DLG2: variants seen among roughly 807,000 people sequenced by gnomAD.
DLG2 encodes disks large homolog 2.
In DLG2, 45 loss-of-function variants were observed where a neutral mutation model predicts 132.5. The observed-to-expected ratio is 0.34, with a 90% confidence interval of 0.27 to 0.44. The LOEUF (loss-of-function observed/expected upper bound fraction) is 0.44. Ranked by LOEUF, DLG2 falls within the 20% of genes least tolerant of loss-of-function variation. The probability of loss-of-function intolerance (pLI) is 1.00; values close to 1 mark genes in which losing one functional copy is unlikely to be tolerated. For synonymous variants in DLG2, 424 were observed against 419.6 expected, an observed-to-expected ratio of 1.01 and a Z score of -0.13; for missense variants, 1,045 against 1,196.9, an observed-to-expected ratio of 0.87 and a Z score of 1.87.
intron 6 of DLG2, among the ~76,000 whole-genome samples, chr11:85,104,813 G>A (rs1447365100): frequency 7.5e-6 from 1 of 133,002 alleles, no homozygotes; most frequent in African/African-American, 2.8e-5. Flanking sequence ...ACACTCATAG[G>A]AAGAATGTCA....
At chr11:85,606,172 T>C (rs1436869778) in intron 2 of DLG2, among the ~76,000 whole-genome samples, 1 of 152,240 alleles carries the variant, frequency 6.6e-6, no homozygotes, top group East Asian at 1.9e-4. Context: ...GTATGATATG[T>C]ATCCATTAAA....
intron 15 of DLG2, among the ~76,000 whole-genome samples, chr11:83,887,751 A>G (rs2068360518): frequency 6.7e-6 from 1 of 149,334 alleles, no homozygotes; most frequent in Non-Finnish European, 1.5e-5. Context: ...CTTATCCACC[A>G]TGATCAAGTG....
At chr11:84,525,323 C>A (rs185128242) in intron 7 of DLG2, among the ~76,000 whole-genome samples, 1 of 152,272 alleles carries the variant, frequency 6.6e-6, no homozygotes, top group East Asian at 1.9e-4. Context: ...CCCACTCCCT[C>A]CCCTGCCATT....
chr11:84,986,729 T>C (rs971480538), intron 6 of DLG2, among the ~76,000 whole-genome samples: 1 of 152,154 alleles, frequency 6.6e-6, no homozygotes, highest in African/African-American at 2.4e-5. Context: ...TAATTAAAAC[T>C]CTCAGCAAAA....
intron 7 of DLG2, among the ~76,000 whole-genome samples, chr11:84,441,559 G>A (rs2099017397): frequency 6.6e-6 from 1 of 152,120 alleles, no homozygotes; most frequent in African/African-American, 2.4e-5. Flanking sequence ...CTAGTAGAAA[G>A]GGGAAGATTA....
At chr11:85,503,572 T>C (rs1433353417) in intron 3 of DLG2, among the ~76,000 whole-genome samples, 1 of 152,088 alleles carries the variant, frequency 6.6e-6, no homozygotes, top group Non-Finnish European at 1.5e-5. Context: ...TCTGCCTTCA[T>C]GAATGAATTA....
At chr11:84,480,597 T>C (rs1232501926) in intron 7 of DLG2, among the ~76,000 whole-genome samples, 1 of 152,146 alleles carries the variant, frequency 6.6e-6, no homozygotes, top group African/African-American at 2.4e-5. Context: ...ATTATTGGTA[T>C]GAAGAAATGC....
chr11:84,133,753 C>A (rs887093016), intron 9 of DLG2, among the ~76,000 whole-genome samples: 3 of 151,920 alleles, frequency 2.0e-5, no homozygotes, highest in Admixed American at 6.6e-5. Flanking sequence ...ATAGCTGGGA[C>A]TATAGATGTA....
intron 6 of DLG2, among the ~76,000 whole-genome samples, chr11:84,914,360 G>T (rs2092321320): frequency 6.6e-6 from 1 of 152,098 alleles, no homozygotes; most frequent in Non-Finnish European, 1.5e-5. Flanking sequence ...CAAGAGCTAG[G>T]TTCCCCAAGA....
At chr11:83,889,804 T>C (rs1171471065) in intron 15 of DLG2, among the ~76,000 whole-genome samples, 2 of 152,150 alleles carry the variant, frequency 1.3e-5, no homozygotes, top group African/African-American at 4.8e-5. Context: ...GTTCATGTCC[T>C]TTGTAGGGAC....
intron 8 of DLG2, among the ~76,000 whole-genome samples, chr11:84,165,195 C>T (rs919435784): frequency 6.6e-5 from 10 of 152,024 alleles, no homozygotes; most frequent in Non-Finnish European, 1.2e-4. Context: ...AATCACTTCA[C>T]ATTATTAAAG....
chr11:84,198,542 G>C (rs1211362889), intron 8 of DLG2, among the ~76,000 whole-genome samples: 1 of 152,052 alleles, frequency 6.6e-6, no homozygotes, highest in Non-Finnish European at 1.5e-5. Flanking sequence ...TATTTACCAG[G>C]TAATGTAATG....
chr11:84,435,585 T>C (rs1433279339), intron 7 of DLG2, among the ~76,000 whole-genome samples: 4 of 152,192 alleles, frequency 2.6e-5, no homozygotes, highest in Non-Finnish European at 5.9e-5. Flanking sequence ...CTAATGTAGA[T>C]TTCCTGATGT....
At chr11:84,846,647 A>G (rs999754219) in intron 6 of DLG2, among the ~76,000 whole-genome samples, 6 of 152,092 alleles carry the variant, frequency 3.9e-5, no homozygotes, top group African/African-American at 1.4e-4. Flanking sequence ...ATTGCCCCCA[A>G]TCAATCCTGT....
Position 84,592,847 on chromosome 11 carries a change from C to A in DLG2, c.358-58116G>T, listed in dbSNP as rs189003452. Reference sequence around the variant, plus strand: ...TAACAGGATTACAGGCCTGTAATCCCAGCACTTTGGGAGGCCAAGGCGAGT... The same window carrying A: ...TAACAGGATTACAGGCCTGTAATCCAAGCACTTTGGGAGGCCAAGGCGAGT... On this transcript the variant is annotated intron_variant, in intron 6 of 27. Transcript: ENST00000376104. 2.6e-3 allele frequency among the ~76,000 whole-genome samples: 379 copies of A among 143,122 alleles called. 2 individuals carry two copies. Among genetic ancestry groups the A allele is most frequent in the African/African-American group, 9.3e-3 (354 of 37,932 alleles). 93.9% of individuals were successfully genotyped at this position (143,122 alleles called of 152,430 possible). A position where few individuals can be genotyped will look rare whatever the true frequency, so the allele number is the denominator to read the frequency against.
chr11:84,096,190 T>C (rs1595141734), intron 10 of DLG2, among the ~76,000 whole-genome samples: 1 of 152,176 alleles, frequency 6.6e-6, no homozygotes, highest in Non-Finnish European at 1.5e-5. Context: ...GCCTTAATTT[T>C]CTGAATCCTT....
At chr11:85,137,820 AAAAT>A (rs1478930546) in intron 5 of DLG2, among the ~76,000 whole-genome samples, 2 of 152,176 alleles carry the variant, frequency 1.3e-5, no homozygotes, top group Non-Finnish European at 2.9e-5. Context: ...TTAGCTTAGT[AAAAT>A]AAATAGACTG....
At chr11:85,572,876 C>T (rs772147522) in intron 3 of DLG2, among the ~76,000 whole-genome samples, 1 of 152,196 alleles carries the variant, frequency 6.6e-6, no homozygotes, top group South Asian at 2.1e-4. Context: ...CCAAAGCTCA[C>T]GTTAAACTGT....
chr11:83,459,829 C>T lies in DLG2; in HGVS notation c.2917G>A (p.Glu973Lys), dbSNP rs1406918822. The change falls in exon 28 of 28, where the codon GAA becomes AAA. Residue 973 changes from glutamate to lysine, a missense_variant. By Grantham distance (56) the Glu-to-Lys change is moderately conservative. This residue lies in a region of DLG2 where 398 missense variants were observed against 543.6 expected (regional missense o/e 0.73). Coordinates refer to ENST00000376104, the MANE Select transcript of DLG2 (RefSeq NM_001142699.3). ...GCGCAGTAGCTAATTTATAACTTTT[C>T]CTTTGAGGGAATCCAGATGAAAGGC... The part of the protein sequence containing the change: ...SGPFIWIPSK[E>K]KL 6.3e-7 allele frequency: 1 copy of T among 1,599,504 alleles called. No homozygotes were observed. Among genetic ancestry groups the T allele is most frequent in the Non-Finnish European group, 8.6e-7 (1 of 1,166,880 alleles).
Sources: allele counts gnomAD v4.1 joint callset (sites outside exome capture counted in the v4.1 genomes callset), GRCh38; gene constraint gnomAD v4.1.1; regional missense constraint gnomAD v4.1.1; transcripts MANE v1.5; gene names NCBI Gene and HGNC (gene_info 2026-07-23, HGNC 2026-07-21).